Variants in EXOC6 observed in about 807,000 individuals in gnomAD.
The protein encoded by EXOC6 is SEC15-like 1.
In EXOC6, 60 loss-of-function variants were observed where a neutral mutation model predicts 112.5. The observed-to-expected ratio is 0.53, with a 90% CI of 0.43 to 0.66. The LOEUF is 0.66. Among genes scored for constraint, EXOC6 ranks in the 30% least tolerant of loss-of-function variants. The pLI, the probability that EXOC6 is intolerant of heterozygous loss-of-function variation, is 0.00. For missense variants in EXOC6, 855 were observed against 957.1 expected (o/e 0.89, Z 1.41); for synonymous variants, 295 against 308.0 (o/e 0.96, Z 0.44).
intron 1 of EXOC6, among the ~76,000 whole-genome samples, chr10:92,860,478 G>T (rs1012624184): frequency 1.3e-5 from 2 of 151,970 alleles, no homozygotes; most frequent in Non-Finnish European, 2.9e-5. Context: ...TGCCAGACTG[G>T]TCTTGAACTC....
At chr10:93,022,466 GC>G (rs1447421821) in intron 20 of EXOC6, among the ~76,000 whole-genome samples, 1 of 151,982 alleles carries the variant, frequency 6.6e-6, no homozygotes, top group Admixed American at 6.6e-5. Context: ...TTTAAAAGGG[GC>G]TTAAAATACT....
chr10:92,977,797 G>A (rs1842688024), intron 18 of EXOC6, among the ~76,000 whole-genome samples: 1 of 152,138 alleles, frequency 6.6e-6, no homozygotes, highest in Admixed American at 6.5e-5. Context: ...GAGAGATTAT[G>A]TGTTAGAAAT....
chr10:92,999,343 G>A (rs763054608), intron 19 of EXOC6: 6 of 381,006 alleles, frequency 1.6e-5, no homozygotes, highest in African/African-American at 4.5e-5. Flanking sequence ...AATTAGAGGC[G>A]TGAGCTACTG....
chr10:92,899,585 A>G lies in EXOC6; in HGVS notation c.413-14A>G, dbSNP rs577437904. 3.2e-6 allele frequency: 5 copies of G among 1,562,658 alleles called. No homozygotes were observed. The South Asian group carries it at 4.8e-5, about 15-fold the overall frequency. On this transcript the variant is annotated splice_polypyrimidine_tract_variant and intron_variant, in intron 4 of 21. Coordinates refer to ENST00000260762, the MANE Select transcript of EXOC6 (RefSeq NM_019053.6). ...TTCATTTTGAAAGCTAAAATGTTAT[A>G]TTTTTTAATGCAGTGCTAGAAATGT...
chr10:92,994,605 G>A (rs539395179), intron 18 of EXOC6, among the ~76,000 whole-genome samples: 2 of 152,196 alleles, frequency 1.3e-5, no homozygotes, highest in Admixed American at 1.3e-4. Context: ...TTTATTAAAT[G>A]TGCTGTGTTT....
intron 4 of EXOC6, among the ~76,000 whole-genome samples, chr10:92,898,507 G>A (rs748116394): frequency 3.6e-4 from 54 of 151,946 alleles, no homozygotes; most frequent in East Asian, 1.9e-4. Flanking sequence ...TTTGAGGAAA[G>A]CATTATTTTT....
chr10:92,982,504 C>CT (rs1842863771), intron 18 of EXOC6, among the ~76,000 whole-genome samples: 2 of 140,546 alleles, frequency 1.4e-5, no homozygotes, highest in South Asian at 4.7e-4. Context: ...CAAATTAAGG[C>CT]TTTTTCCCCA....
At chr10:92,861,017 C>T (rs1388172282) in intron 1 of EXOC6, among the ~76,000 whole-genome samples, 2 of 152,160 alleles carry the variant, frequency 1.3e-5, no homozygotes, top group African/African-American at 2.4e-5. Context: ...TTTTTCTTTT[C>T]CTGGTTCTCT....
chr10:92,848,542 G>C lies in EXOC6; in HGVS notation c.9G>C (p.Glu3Asp). Reference protein sequence around the residue: MAENSESLGTVPE... With the variant: MADNSESLGTVPE... ...CTCAGCTTCCAGCCAAAATGGCGGAGAACAGCGAGAGTCTGGGCACCGTCC... is the reference window on the plus strand; with the variant it reads ...CTCAGCTTCCAGCCAAAATGGCGGACAACAGCGAGAGTCTGGGCACCGTCC... The change falls in exon 1 of 22, where the codon GAG (glutamate) becomes GAC (aspartate). Residue 3 changes from glutamate to aspartate, a missense_variant. Transcript: ENST00000260762. 1 of 1,414,200 alleles carries C rather than the reference G, an allele frequency of 7.1e-7. No homozygotes were observed. Among genetic ancestry groups the C allele is most frequent in the South Asian group, 1.3e-5 (1 of 77,990 alleles). 87.6% of individuals were successfully genotyped at this position (1,414,200 alleles called of 1,614,324 possible).
At chr10:92,999,220 CA>C in intron 19 of EXOC6, 1 of 364,216 alleles carries the variant, frequency 2.7e-6, no homozygotes, top group Non-Finnish European at 5.2e-6. Context: ...TTTTTTTTTA[CA>C]AGTTTTTTTT....
chr10:92,870,688 A>G lies in EXOC6; in HGVS notation c.101+22054A>G, dbSNP rs11187195. Among the ~76,000 whole-genome samples, 6 of 151,370 alleles carry G rather than the reference A, an allele frequency of 4.0e-5. No individual in the cohort carries two copies. In the East Asian group the frequency reaches 7.7e-4, roughly 19 times the overall value. On this transcript the variant is annotated intron_variant, in intron 1 of 21. Transcript: ENST00000260762. ...AATTGGAAGTTTTTCTTTTTTTGGC[A>G]TTATATAATTAGTGTAGGTGTTATC...
At chr10:92,923,517 CAG>C (rs543839505) in intron 8 of EXOC6, among the ~76,000 whole-genome samples, 62 of 152,156 alleles carry the variant, frequency 4.1e-4, no homozygotes, top group Admixed American at 3.7e-3. Context: ...GAAGGCTTAA[CAG>C]GGGCTGGAGG....
intron 1 of EXOC6, among the ~76,000 whole-genome samples, 176 bp from the exon 2 acceptor site, chr10:92,893,173 A>G (rs968826320): frequency 3.3e-5 from 5 of 152,130 alleles, no homozygotes; most frequent in African/African-American, 1.2e-4. Flanking sequence ...GGTTCTTTTA[A>G]TATTATCATG....
intron 9 of EXOC6, among the ~76,000 whole-genome samples, chr10:92,928,648 TAAA>T (rs566205385): frequency 2.2e-5 from 3 of 139,240 alleles, no homozygotes; most frequent in African/African-American, 2.6e-5. Flanking sequence ...ACAGCGAATT[TAAA>T]AAAAAAAAAA....
intron 5 of EXOC6, 50 bp downstream of exon 5, chr10:92,899,694 T>A: frequency 7.7e-7 from 1 of 1,306,938 alleles, no homozygotes; most frequent in Admixed American, 1.8e-5. Context: ...TTTTCTATTA[T>A]TGAAAGGACA....
At chr10:92,885,199 T>A (rs2133783434) in intron 1 of EXOC6, among the ~76,000 whole-genome samples, 1 of 152,340 alleles carries the variant, frequency 6.6e-6, no homozygotes, top group Middle Eastern at 3.4e-3. Context: ...AACTTTGGTT[T>A]TCAAGGGTTG....
intron 1 of EXOC6, among the ~76,000 whole-genome samples, chr10:92,842,380 G>A (rs1002745020): frequency 1.4e-5 from 2 of 148,144 alleles, no homozygotes; most frequent in African/African-American, 2.5e-5. Context: ...AAAAAAAAAG[G>A]GTAAGGAATA....
intron 17 of EXOC6, among the ~76,000 whole-genome samples, chr10:92,964,055 A>G (rs1387088967): frequency 6.6e-6 from 1 of 151,932 alleles, no homozygotes; most frequent in Non-Finnish European, 1.5e-5. Flanking sequence ...ATGAAAAGTA[A>G]CCAGGTGAAT....
rs544174777 is a variant in EXOC6, at chr10:92,899,854, A to G, written c.458+210A>G. ...TCATTGTCCTTTATAAATGATATCA[A>G]GGATTGGTAATGTTGATCAAGTACA... On this transcript the variant is annotated intron_variant, in intron 5 of 21. Transcript: ENST00000260762. 9.0e-6 allele frequency: 4 copies of G among 442,648 alleles called. No individual in the cohort carries two copies. In the East Asian group the frequency reaches 1.5e-4, roughly 16 times the overall value. 27.4% of individuals were successfully genotyped at this position (442,648 alleles called of 1,614,324 possible).
Sources: allele counts gnomAD v4.1 joint callset (sites outside exome capture counted in the v4.1 genomes callset), GRCh38; gene constraint gnomAD v4.1.1; transcripts MANE v1.5; gene names NCBI Gene and HGNC (gene_info 2026-07-23, HGNC 2026-07-21).